Variants in NCKAP1 observed in about 807,000 individuals in gnomAD.
The protein encoded by NCKAP1 is NCK associated protein 1, also known as nck-associated protein 1.
NCKAP1 carries 21 observed loss-of-function variants against 151.2 expected under a neutral mutation model. The observed-to-expected ratio is 0.14, with a 90% CI of 0.10 to 0.20. The LOEUF (loss-of-function observed/expected upper bound fraction) is 0.20. NCKAP1 is among the 10% of genes least tolerant of loss of function. The pLI, the probability that NCKAP1 is intolerant of heterozygous loss-of-function variation, is 1.00. For synonymous variants in NCKAP1, 484 were observed against 451.8 expected (o/e 1.07, Z -0.90); for missense variants, 933 against 1,352.1 (o/e 0.69, Z 4.86).
rs1228150205 is a variant in NCKAP1 at position 182,922,529 on chromosome 2, T to G, written c.*3173A>C. The stretch of plus-strand genomic sequence containing the variant: ...TCTAACTTCTCAAACATGCCAAGTT[T>G]GTGCTTGCCTTCTGGGTCTTTGCCT... On this transcript the variant is annotated 3_prime_UTR_variant, in exon 31 of 31. Transcript: ENST00000361354. 1 of 152,284 alleles carries G rather than the reference T, an allele frequency of 6.6e-6. No homozygotes were observed. The highest frequency in any genetic ancestry group is 2.4e-5 in the African/African-American group (1 of 41,454). 9.4% of individuals were successfully genotyped at this position (152,284 alleles called of 1,614,324 possible). A position where few individuals can be genotyped will look rare whatever the true frequency, so the allele number is the denominator to read the frequency against.
In NCKAP1 at chr2:182,921,697, A is replaced by T. The variant is rs1696552218; in HGVS notation, c.*4005T>A. Reference sequence around the variant, plus strand: ...TTTATCCCATTTTACTTAGGCCCAAAATGACAGGCTGAATACTTTTATTGG... The same window carrying T: ...TTTATCCCATTTTACTTAGGCCCAATATGACAGGCTGAATACTTTTATTGG... On this transcript the variant is annotated 3_prime_UTR_variant, in exon 31 of 31. Transcript: ENST00000361354. 1 of 152,186 alleles carries T rather than the reference A, an allele frequency of 6.6e-6. No individual in the cohort carries two copies. Among genetic ancestry groups the T allele is most frequent in the Non-Finnish European group, 1.5e-5 (1 of 68,038 alleles). The allele number at this position is 152,186 out of a possible 1,614,324, so 9.4% of individuals were successfully genotyped here.
In NCKAP1 at chr2:182,952,939, A is replaced by C; in HGVS notation, c.2373-16T>G. On this transcript the variant is annotated splice_polypyrimidine_tract_variant and intron_variant, in intron 21 of 30. Transcript: ENST00000361354. ...TTCCAAATACCTAAGGAGAAACGTA[A>C]ACTTATAACCGGAAGAAACTGCTTA... 1 of 1,603,610 alleles carries C rather than the reference A, an allele frequency of 6.2e-7. No homozygotes were observed. Among genetic ancestry groups the C allele is most frequent in the Non-Finnish European group, 8.5e-7 (1 of 1,176,320 alleles).
intron 23 of NCKAP1, among the ~76,000 whole-genome samples, chr2:182,946,273 G>A (rs953507163): frequency 2.0e-5 from 3 of 152,016 alleles, no homozygotes; most frequent in South Asian, 2.1e-4. Context: ...GGCGGTCGGC[G>A]CCTGTAGTCC....
chr2:182,927,314 T>TG (rs1696668722), intron 29 of NCKAP1: 1 of 152,854 alleles, frequency 6.5e-6, no homozygotes, highest in Non-Finnish European at 1.5e-5. Context: ...AAACCCTGAG[T>TG]GAAGGAATTA....
rs1698883139 is a variant in NCKAP1 at position 183,025,764 on chromosome 2, C to A, written c.109-1848G>T. 4.6e-5 allele frequency among the ~76,000 whole-genome samples: 7 copies of A among 151,920 alleles called. No individual in the cohort carries two copies. In the South Asian group the frequency reaches 1.5e-3, roughly 32 times the overall value. ...TAATAATCACATACTAAAAATTTGC[C>A]CAAACACAAATAGCTATAGATTAGC... On this transcript the variant is annotated intron_variant, in intron 1 of 30. Coordinates refer to ENST00000361354, the MANE Select transcript of NCKAP1 (RefSeq NM_013436.5).
intron 2 of NCKAP1, among the ~76,000 whole-genome samples, chr2:183,009,961 CTT>C (rs1298156165): frequency 6.6e-6 from 1 of 152,168 alleles, no homozygotes; most frequent in African/African-American, 2.4e-5. Context: ...ATTACACAGA[CTT>C]AAACTTCTAA....
chr2:182,977,932 G>A (rs1451798215), intron 14 of NCKAP1, among the ~76,000 whole-genome samples: 1 of 152,118 alleles, frequency 6.6e-6, no homozygotes, highest in Non-Finnish European at 1.5e-5. Context: ...CTCAAATCCT[G>A]TAAAGATGAT....
chr2:182,993,142 ATTTACATATAAC>A (rs1305484534), intron 8 of NCKAP1, among the ~76,000 whole-genome samples: 1 of 152,176 alleles, frequency 6.6e-6, no homozygotes, highest in East Asian at 1.9e-4. Context: ...ATGGTGTAGT[ATTTACATATAAC>A]CTACACACTT....
intron 16 of NCKAP1, among the ~76,000 whole-genome samples, chr2:182,965,778 C>T (rs1697557855): frequency 6.6e-6 from 1 of 152,052 alleles, no homozygotes; most frequent in Non-Finnish European, 1.5e-5. Flanking sequence ...GAATAGGATC[C>T]TTTGCATAGC....
intron 23 of NCKAP1, among the ~76,000 whole-genome samples, chr2:182,942,615 T>C (rs1158452477): frequency 1.3e-5 from 2 of 152,218 alleles, no homozygotes; most frequent in Admixed American, 6.5e-5. Flanking sequence ...TGACTTGTTA[T>C]GGTATGGTAC....
Position 182,942,132 on chromosome 2 carries a change from G to A in NCKAP1, c.2633C>T (p.Thr878Ile), listed in dbSNP as rs760494138. 3 of 1,612,968 alleles carry A rather than the reference G, an allele frequency of 1.9e-6. No homozygotes were observed. Among genetic ancestry groups the A allele is most frequent in the Non-Finnish European group, 2.5e-6 (3 of 1,179,352 alleles). ...TTTGTCAAAGCTGGTCCTCATTTGTGTTAACACATCAACATTCTCCACCAC... is the reference window on the plus strand; with the variant it reads ...TTTGTCAAAGCTGGTCCTCATTTGTATTAACACATCAACATTCTCCACCAC... Reference protein sequence around the residue: ...KLVVENVDVLTQMRTSFDKPD... With the variant: ...KLVVENVDVLIQMRTSFDKPD... Residue 878 changes from threonine (T) to isoleucine (I), a missense_variant, in exon 24 of 31, where the codon ACA becomes ATA. This residue lies in a region of NCKAP1 where 326 missense variants were observed against 557.1 expected (regional missense o/e 0.59). Transcript: ENST00000361354.
intron 1 of NCKAP1, among the ~76,000 whole-genome samples, chr2:183,035,007 C>G (rs1699075496): frequency 6.6e-6 from 1 of 152,088 alleles, no homozygotes; most frequent in Non-Finnish European, 1.5e-5. Flanking sequence ...ATCCCACCAC[C>G]ACACAAGTTG....
intron 1 of NCKAP1, among the ~76,000 whole-genome samples, chr2:183,034,254 T>C (rs1280870549): frequency 6.6e-6 from 1 of 152,076 alleles, no homozygotes; most frequent in African/African-American, 2.4e-5. Flanking sequence ...AGAAAATAAA[T>C]TTATCCAAAA....
At chr2:182,967,437 A>G in intron 15 of NCKAP1, 76 bp from the exon 16 acceptor site, 1 of 1,309,002 alleles carries the variant, frequency 7.6e-7, no homozygotes, top group Non-Finnish European at 1.1e-6. Flanking sequence ...CAGGGGGAAA[A>G]GCATCACTGA....
intron 1 of NCKAP1, among the ~76,000 whole-genome samples, chr2:183,029,821 G>GAAAAAA (rs71405500): frequency 9.9e-5 from 5 of 50,684 alleles, no homozygotes; most frequent in South Asian, 7.7e-4. Context: ...ACCCTGACTC[G>GAAAAAA]AAAAAAAAAA....
intron 2 of NCKAP1, among the ~76,000 whole-genome samples, chr2:183,011,199 G>C (rs936078321): frequency 5.3e-5 from 8 of 152,102 alleles, no homozygotes; most frequent in Non-Finnish European, 1.2e-4. Flanking sequence ...GACTCAACAA[G>C]TTTGGTCATA....
rs937530915 is a variant in NCKAP1 at position 182,918,756 on chromosome 2, G to C, written c.*6946C>G. ...ACAATGCATACTACCTGGGTGACAG[G>C]TACACTAAAACCTCAGACTTCACCA... is the stretch of plus-strand genomic sequence containing the variant. On this transcript the variant is annotated 3_prime_UTR_variant, in exon 31 of 31. Transcript: ENST00000361354. 1 of 152,072 alleles carries C rather than the reference G, an allele frequency of 6.6e-6. No individual in the cohort carries two copies. The highest frequency in any genetic ancestry group is 2.4e-5 in the African/African-American group (1 of 41,402). 9.4% of individuals were successfully genotyped at this position (152,072 alleles called of 1,614,324 possible). A position where few individuals can be genotyped will look rare whatever the true frequency, so the allele number is the denominator to read the frequency against.
chr2:182,990,145 ATATAT>A (rs1698138569), intron 8 of NCKAP1, among the ~76,000 whole-genome samples: 2 of 151,976 alleles, frequency 1.3e-5, no homozygotes, highest in African/African-American at 4.8e-5. Flanking sequence ...GTCTTCTCAT[ATATAT>A]TATTTCAAAT....
intron 23 of NCKAP1, among the ~76,000 whole-genome samples, chr2:182,948,768 C>A: frequency 6.6e-6 from 1 of 152,180 alleles, no homozygotes; most frequent in East Asian, 1.9e-4. Context: ...GACAATTCAT[C>A]TGATTGCAAG....
Sources: allele counts gnomAD v4.1 joint callset (sites outside exome capture counted in the v4.1 genomes callset), GRCh38; gene constraint gnomAD v4.1.1; regional missense constraint gnomAD v4.1.1; transcripts MANE v1.5; gene names NCBI Gene and HGNC (gene_info 2026-07-23, HGNC 2026-07-21).